Variants in MED21 observed in about 807,000 individuals in gnomAD.
The protein encoded by MED21 is mediator of RNA polymerase II transcription subunit 21.
MED21 carries 9 observed loss-of-function variants against 18.2 expected under a neutral mutation model. The ratio of observed to expected loss-of-function variants is 0.49; its 90% CI spans 0.30 to 0.86. The LOEUF (loss-of-function observed/expected upper bound fraction) is 0.86. Ranked by LOEUF, MED21 falls within the 40% of genes least tolerant of loss-of-function variation. The probability of loss-of-function intolerance (pLI) is 0.07; values close to 1 mark genes in which losing one functional copy is unlikely to be tolerated. For missense variants in MED21, 150 were observed against 170.9 expected, an observed-to-expected ratio of 0.88 and a Z score of 0.68; for synonymous variants, 73 against 60.5, an observed-to-expected ratio of 1.21 and a Z score of -0.96.
Position 27,027,376 on chromosome 12 carries a change from G to T in MED21, c.187G>T (p.Ala63Ser), listed in dbSNP as rs1941559831. Residue 63 changes from alanine to serine, a missense_variant, in exon 3 of 4, where the codon GCA becomes TCA. Transcript: ENST00000282892. Reference protein sequence around the residue: ...EYAQLFAALIARTAKDIDVLI... With the variant: ...EYAQLFAALISRTAKDIDVLI... ...TGCCCAGCTTTTTGCAGCACTGATT[G>T]CACGAACAGCAAAAGACATTGATGT... is the stretch of plus-strand genomic sequence containing the variant. 3.7e-6 allele frequency: 6 copies of T among 1,613,700 alleles called. No homozygotes were observed. The South Asian group carries it at 6.6e-5, about 18-fold the overall frequency.
chr12:27,027,413 C>G lies in MED21; in HGVS notation c.224C>G (p.Ser75Cys). The change falls in exon 3 of 4, where the codon TCC becomes TGC. Residue 75 changes from serine to cysteine, a missense_variant. Transcript: ENST00000282892. ...TAKDIDVLID[S>C]LPSEESTAAL... Reference sequence around the variant, plus strand: ...AAAGACATTGATGTTTTGATAGATTCCTTACCCAGTGAAGAATCTACAGCT... The same window carrying G: ...AAAGACATTGATGTTTTGATAGATTGCTTACCCAGTGAAGAATCTACAGCT... 1 of 1,613,648 alleles carries G rather than the reference C, an allele frequency of 6.2e-7. No individual in the cohort carries two copies. The highest frequency in any genetic ancestry group is 8.5e-7 in the Non-Finnish European group (1 of 1,179,778).
At chr12:27,031,149 C>T (rs528534593), downstream of MED21, among the ~76,000 whole-genome samples, 1 of 152,272 alleles carries the variant, frequency 6.6e-6, no homozygotes, top group South Asian at 2.1e-4. Flanking sequence ...TTAGGTGATC[C>T]ACCCGCCTCA....
chr12:27,036,987 G>A (rs912579764), intron 2 of MED21: 11 of 152,126 alleles, frequency 7.2e-5, no homozygotes, highest in African/African-American at 2.7e-4. Flanking sequence ...AAAGGCATTG[G>A]TAGCTTGATG....
At chr12:27,034,461 A>G (rs189834417), downstream of MED21, among the ~76,000 whole-genome samples, 76 of 152,340 alleles carry the variant, frequency 5.0e-4, no homozygotes, top group Non-Finnish European at 8.7e-4. Flanking sequence ...AAATTTAAAT[A>G]GATAAACAAG....
chr12:27,030,714 A>G (rs1941610223), downstream of MED21: 2 of 152,232 alleles, frequency 1.3e-5, no homozygotes, highest in South Asian at 2.1e-4. Context: ...AAAGTTTAAT[A>G]TCCTGCTTCT....
At chr12:27,035,622 T>C (rs1385368252), downstream of MED21, among the ~76,000 whole-genome samples, 2 of 125,178 alleles carry the variant, frequency 1.6e-5, no homozygotes, top group Non-Finnish European at 3.2e-5. Flanking sequence ...CAGAGTGTGA[T>C]GTTCCCCTTC....
At chr12:27,032,995 GT>G (rs769207784), downstream of MED21, among the ~76,000 whole-genome samples, 85 of 152,136 alleles carry the variant, frequency 5.6e-4, no homozygotes, top group Non-Finnish European at 9.9e-4. Flanking sequence ...CTCCACGTTA[GT>G]TTTTTTCTAG....
At chr12:27,023,325 AG>A (rs1941501068) in intron 1 of MED21, among the ~76,000 whole-genome samples, 1 of 21,278 alleles carries the variant, frequency 4.7e-5, no homozygotes, top group African/African-American at 1.6e-4. Context: ...TTTACTTTGG[AG>A]ACAGTGCCTT....
intron 1 of MED21, among the ~76,000 whole-genome samples, chr12:27,025,731 TTA>T (rs1941536341): frequency 3.3e-5 from 5 of 152,160 alleles, no homozygotes; most frequent in South Asian, 4.1e-4. Flanking sequence ...GAAATACTTA[TTA>T]GAAATAGGAG....
chr12:27,032,193 A>G (rs1941624314), downstream of MED21, among the ~76,000 whole-genome samples: 1 of 152,206 alleles, frequency 6.6e-6, no homozygotes, highest in African/African-American at 2.4e-5. Flanking sequence ...CCTATGGGAA[A>G]GGAGGAATGA....
intron 3 of MED21, 47 bp downstream of exon 3, chr12:27,027,494 G>T: frequency 7.2e-7 from 1 of 1,395,258 alleles, no homozygotes; most frequent in South Asian, 1.2e-5. Flanking sequence ...AGAGAATTTT[G>T]AATTAAAGGA....
intron 2 of MED21, chr12:27,037,426 C>T (rs1457593718): frequency 6.6e-6 from 1 of 151,888 alleles, no homozygotes; most frequent in Non-Finnish European, 1.5e-5. Context: ...ATTGAATACC[C>T]TTTATTTCCT....
chr12:27,027,507 T>TA, intron 3 of MED21, 60 bp downstream of exon 3: 2 of 1,211,802 alleles, frequency 1.7e-6, no homozygotes, highest in African/African-American at 3.0e-5. Context: ...TTAAAGGAGG[T>TA]AGATTTAGTA....
At chr12:27,036,551 C>A (rs1426598221) in intron 2 of MED21, among the ~76,000 whole-genome samples, 1 of 152,146 alleles carries the variant, frequency 6.6e-6, no homozygotes, top group Admixed American at 6.6e-5. Context: ...AGGTTTTCTT[C>A]TAGGGTTTTT....
At chr12:27,022,698 CAA>C in intron 1 of MED21, 77 bp downstream of exon 1, 2 of 1,611,218 alleles carry the variant, frequency 1.2e-6, no homozygotes, top group Non-Finnish European at 1.7e-6. Context: ...GCCCAAGAGG[CAA>C]AACTTGAAAG....
At chr12:27,023,433 A>T (rs1266303682) in intron 1 of MED21, among the ~76,000 whole-genome samples, 1 of 148,150 alleles carries the variant, frequency 6.7e-6, no homozygotes, top group Non-Finnish European at 1.5e-5. Flanking sequence ...AGTAGCTGGG[A>T]TTACAGGCGC....
intron 2 of MED21, 30 bp downstream of exon 2, chr12:27,026,564 T>C: frequency 7.2e-7 from 1 of 1,381,790 alleles, no homozygotes; most frequent in South Asian, 1.2e-5. Context: ...TTCTCTTAGT[T>C]TGACTCTCAC....
chr12:27,033,532 A>G (rs1296547300), downstream of MED21, among the ~76,000 whole-genome samples: 1 of 152,206 alleles, frequency 6.6e-6, no homozygotes, highest in East Asian at 1.9e-4. Flanking sequence ...TTCTATACCT[A>G]GTCTGGATTT....
Position 27,030,019 on chromosome 12 carries a change from G to C in MED21, c.*1558G>C. On this transcript the variant is annotated 3_prime_UTR_variant, in exon 4 of 4. Coordinates refer to ENST00000282892, the MANE Select transcript of MED21 (RefSeq NM_004264.5). ...AGGAATAAAGAAGGCATAATGTATA[G>C]GGTAAATATAATAGACTTCTCTTGA... is the stretch of plus-strand genomic sequence containing the variant. 1 of 421,964 alleles carries C rather than the reference G, an allele frequency of 2.4e-6. No homozygotes were observed. The highest frequency in any genetic ancestry group is 8.1e-5 in the South Asian group (1 of 12,382). 26.1% of individuals were successfully genotyped at this position (421,964 alleles called of 1,614,324 possible).
Sources: allele counts gnomAD v4.1 joint callset (sites outside exome capture counted in the v4.1 genomes callset), GRCh38; gene constraint gnomAD v4.1.1; transcripts MANE v1.5; gene names NCBI Gene and HGNC (gene_info 2026-07-23, HGNC 2026-07-21).